The following MAST2 variants were observed in gnomAD, a reference collection of about 807,000 sequenced individuals.
MAST2 encodes the protein microtubule associated serine/threonine kinase 2.
In MAST2, 70 loss-of-function variants were observed where a neutral mutation model predicts 147.4. The observed-to-expected ratio is 0.47, with a 90% CI of 0.39 to 0.58. The LOEUF (loss-of-function observed/expected upper bound fraction) is 0.58, where lower values mean the gene tolerates loss of function less well. MAST2 is among the 20% of genes least tolerant of loss of function. MAST2 has a pLI of 0.00. For missense variants in MAST2, 2,080 were observed against 2,302.3 expected (o/e 0.90, Z 1.98); for synonymous variants, 869 against 896.8 (o/e 0.97, Z 0.55).
intron 3 of MAST2, chr1:45,846,969 A>G (rs1401457902): frequency 4.1e-6 from 1 of 243,770 alleles, no homozygotes; most frequent in Non-Finnish European, 8.6e-6. Flanking sequence ...CAAATTATTT[A>G]TTTTGAATTC....
intron 1 of MAST2, among the ~76,000 whole-genome samples, chr1:45,816,278 C>T (rs984330847): frequency 6.1e-5 from 9 of 147,192 alleles, no homozygotes; most frequent in Non-Finnish European, 1.2e-4. Flanking sequence ...AAAGTCTTCC[C>T]AAGAATAACA....
chr1:45,927,575 G>A (rs536950224), intron 4 of MAST2, among the ~76,000 whole-genome samples: 77 of 152,244 alleles, frequency 5.1e-4, no homozygotes, highest in Non-Finnish European at 1.0e-3. Flanking sequence ...CTGACTCACC[G>A]GCGGTCAGAG....
chr1:45,882,477 A>C, intron 4 of MAST2, 82 bp downstream of exon 4: 1 of 1,092,850 alleles, frequency 9.2e-7, no homozygotes, highest in Non-Finnish European at 1.4e-6. Flanking sequence ...TATCATGTGG[A>C]GGAATCCCGC....
intron 11 of MAST2, among the ~76,000 whole-genome samples, chr1:46,020,999 T>G (rs1426923765): frequency 6.6e-6 from 1 of 152,104 alleles, no homozygotes; most frequent in Non-Finnish European, 1.5e-5. Flanking sequence ...GGAGAGGTAC[T>G]CAAAGCAAAT....
chr1:45,830,213 C>A (rs1322011794), intron 3 of MAST2, among the ~76,000 whole-genome samples: 2 of 113,418 alleles, frequency 1.8e-5, no homozygotes, highest in Non-Finnish European at 3.4e-5. Flanking sequence ...GATGGAGTCT[C>A]ACTTTGTTGC....
intron 5 of MAST2, among the ~76,000 whole-genome samples, chr1:45,961,166 C>T (rs999413986): frequency 5.3e-5 from 8 of 152,032 alleles, no homozygotes; most frequent in Non-Finnish European, 1.0e-4. Flanking sequence ...ACCAAGAGAA[C>T]AGGGATCCCA....
At chr1:45,951,058 A>T (rs1199856027) in intron 4 of MAST2, among the ~76,000 whole-genome samples, 5 of 146,218 alleles carry the variant, frequency 3.4e-5, no homozygotes, top group African/African-American at 5.0e-5. Context: ...TCTCTACTAA[A>T]TTTTTTTTTT....
chr1:45,962,492 G>A (rs1286108531), intron 5 of MAST2, among the ~76,000 whole-genome samples: 6 of 152,176 alleles, frequency 3.9e-5, no homozygotes, highest in African/African-American at 1.4e-4. Flanking sequence ...ATCTCATTGT[G>A]GTTTTGATTT....
chr1:45,929,218 T>G (rs767540251), intron 4 of MAST2, among the ~76,000 whole-genome samples: 10 of 151,500 alleles, frequency 6.6e-5, no homozygotes, highest in Non-Finnish European at 1.3e-4. Context: ...TCATTATCTG[T>G]TTTTTTTTAC....
intron 4 of MAST2, among the ~76,000 whole-genome samples, chr1:45,948,908 G>T (rs1658515607): frequency 1.3e-5 from 2 of 151,790 alleles, no homozygotes; most frequent in Admixed American, 6.6e-5. Flanking sequence ...AAAATCAGGG[G>T]TTTTAAAATC....
intron 4 of MAST2, among the ~76,000 whole-genome samples, chr1:45,904,049 G>A (rs1276451838): frequency 6.6e-6 from 1 of 152,266 alleles, no homozygotes; most frequent in East Asian, 1.9e-4. Flanking sequence ...TGGCTAAGCT[G>A]GAATGCAGTA....
chr1:45,988,675 AGT>A (rs1644743489), intron 5 of MAST2, among the ~76,000 whole-genome samples: 1 of 152,178 alleles, frequency 6.6e-6, no homozygotes, highest in East Asian at 1.9e-4. Context: ...CATTTATATC[AGT>A]ATGAACTAAT....
At chr1:46,016,390 T>C (rs1235905501) in intron 10 of MAST2, among the ~76,000 whole-genome samples, 1 of 152,040 alleles carries the variant, frequency 6.6e-6, no homozygotes, top group Non-Finnish European at 1.5e-5. Flanking sequence ...GAAGTCAAAT[T>C]GTCCCTGTTT....
At chr1:45,845,109 G>A (rs1049867313) in intron 3 of MAST2, among the ~76,000 whole-genome samples, 4 of 152,104 alleles carry the variant, frequency 2.6e-5, no homozygotes, top group Non-Finnish European at 5.9e-5. Flanking sequence ...CATGGATTTT[G>A]GGGAACACAT....
At chr1:45,937,432 A>C (rs931197059) in intron 4 of MAST2, among the ~76,000 whole-genome samples, 1 of 151,982 alleles carries the variant, frequency 6.6e-6, no homozygotes, top group African/African-American at 2.4e-5. Context: ...TGCCTGGCTG[A>C]GACAAAATTT....
chr1:45,829,096 A>C (rs1644877660), intron 2 of MAST2, among the ~76,000 whole-genome samples: 1 of 152,142 alleles, frequency 6.6e-6, no homozygotes, highest in Non-Finnish European at 1.5e-5. Flanking sequence ...TGCATCTCTA[A>C]TGTTACATTG....
At chr1:45,934,872 A>C (rs184302309) in intron 4 of MAST2, among the ~76,000 whole-genome samples, 2 of 152,206 alleles carry the variant, frequency 1.3e-5, no homozygotes, top group Non-Finnish European at 2.9e-5. Flanking sequence ...GTGAGTGCAT[A>C]TGTCTTTTTG....
chr1:45,962,751 T>G (rs1660616913), intron 5 of MAST2, among the ~76,000 whole-genome samples: 1 of 152,190 alleles, frequency 6.6e-6, no homozygotes, highest in Non-Finnish European at 1.5e-5. Context: ...GATTTCTTTT[T>G]CTGTGCAGAA....
intron 1 of MAST2, among the ~76,000 whole-genome samples, chr1:45,806,617 G>A (rs145072249): frequency 3.3e-5 from 5 of 151,860 alleles, no homozygotes; most frequent in East Asian, 3.9e-4. Context: ...TTGCTCTCTC[G>A]CCCAGGCTGG....
Sources: allele counts gnomAD v4.1 joint callset (sites outside exome capture counted in the v4.1 genomes callset), GRCh38; gene constraint gnomAD v4.1.1; transcripts MANE v1.5; gene names NCBI Gene and HGNC (gene_info 2026-07-23, HGNC 2026-07-21).